Variants in LTA4H observed in about 807,000 individuals in gnomAD.
The protein encoded by LTA4H is leukotriene A4 hydrolase, also known as leukotriene A-4 hydrolase.
A neutral mutation model predicts 89.8 loss-of-function variants in LTA4H; 59 were observed. The ratio of observed to expected loss-of-function variants is 0.66; its 90% CI spans 0.53 to 0.82. The LOEUF (loss-of-function observed/expected upper bound fraction) is 0.82. Among genes scored for constraint, LTA4H ranks in the 40% least tolerant of loss-of-function variants. LTA4H has a pLI of 0.00. For synonymous variants in LTA4H, 227 were observed against 253.1 expected (o/e 0.90, Z 0.98); for missense variants, 617 against 727.0 (o/e 0.85, Z 1.74).
upstream of LTA4H, among the ~76,000 whole-genome samples, chr12:96,036,281 G>A (rs1566020392): frequency 6.6e-6 from 1 of 152,198 alleles, no homozygotes; most frequent in South Asian, 2.1e-4. Context: ...GGAGTACAGA[G>A]CTGGGACATC....
At chr12:96,043,311 C>T (rs1462045297) in exon 1 of LTA4H, 23 of 1,535,222 alleles carry the variant, frequency 1.5e-5, no homozygotes, top group South Asian at 2.4e-5. Flanking sequence ...AAGAAGTCGA[C>T]GAGTCTTAAC....
rs977889392 is a variant in LTA4H, at chr12:96,022,365, T to G, written c.481-114A>C. On this transcript the variant is annotated intron_variant, in intron 4 of 18. Transcript: ENST00000228740. This position sits in a 1 kb window ranked among gnomAD's most constrained non-coding sequence, Gnocchi z 4.0. ...TCTTGACTATCTAATAAACAGACTATGAACACAAAAAGTATATACATATAC... is the reference window on the plus strand; with the variant it reads ...TCTTGACTATCTAATAAACAGACTAGGAACACAAAAAGTATATACATATAC... 6.0e-6 allele frequency: 4 copies of G among 663,918 alleles called. No individual in the cohort carries two copies. Among genetic ancestry groups the G allele is most frequent in the Non-Finnish European group, 1.0e-5 (4 of 386,850 alleles). The allele number at this position is 663,918 out of a possible 1,614,324, so 41.1% of individuals were successfully genotyped here. A position where few individuals can be genotyped will look rare whatever the true frequency, so the allele number is the denominator to read the frequency against.
At chr12:96,038,934 CA>C (rs1195422968), upstream of LTA4H, among the ~76,000 whole-genome samples, 1 of 151,396 alleles carries the variant, frequency 6.6e-6, no homozygotes, top group African/African-American at 2.4e-5. Context: ...ATATATTCAT[CA>C]AAAAATAAAT....
intron 18 of LTA4H, among the ~76,000 whole-genome samples, chr12:96,001,829 A>T (rs1054353273): frequency 1.3e-5 from 2 of 152,050 alleles, no homozygotes; most frequent in Non-Finnish European, 2.9e-5. Context: ...TTCCCACAAA[A>T]GGTATACTCT....
intron 14 of LTA4H, chr12:96,012,853 G>A (rs1286703721): frequency 5.0e-6 from 1 of 198,580 alleles, no homozygotes; most frequent in Non-Finnish European, 1.0e-5. Flanking sequence ...CTTGGGAAAT[G>A]GGGATAATAA....
chr12:96,041,974 TTG>T lies in LTA4H; in HGVS notation c.87+1313_87+1314del, dbSNP rs1555248493. On this transcript the variant is annotated intron_variant, in intron 1 of 17. Transcript: ENST00000413268. ...CTAGTTTTAAATTAAACGTTTCTTTTTGTTTTTTTTTCTTTTTTTTTTTTTTT... is the reference window on the plus strand; with the variant it reads ...CTAGTTTTAAATTAAACGTTTCTTTTTTTTTTTTTCTTTTTTTTTTTTTTT... Among the ~76,000 whole-genome samples the T allele has an allele frequency of 1.0e-3, 139 of 136,354 alleles. 3 individuals carry two copies. In the South Asian group the frequency reaches 0.024, roughly 24 times the overall value. 89.5% of individuals were successfully genotyped at this position (136,354 alleles called of 152,430 possible). A position where few individuals can be genotyped will look rare whatever the true frequency, so the allele number is the denominator to read the frequency against.
At position 96,000,824 on chromosome 12, in the gene LTA4H, C is replaced by T; in HGVS notation, c.*165G>A. On this transcript the variant is annotated 3_prime_UTR_variant, in exon 19 of 19. Coordinates refer to ENST00000228740, the MANE Select transcript of LTA4H (RefSeq NM_000895.3). Reference sequence around the variant, plus strand: ...CTTGTTAAAATTTACAAAGAATATGCCACTATAAGAAGAAGTAGCTCAACT... The same window carrying T: ...CTTGTTAAAATTTACAAAGAATATGTCACTATAAGAAGAAGTAGCTCAACT... 1.9e-6 allele frequency: 1 copy of T among 517,586 alleles called. No homozygotes were observed. Among genetic ancestry groups the T allele is most frequent in the Non-Finnish European group, 3.5e-6 (1 of 287,688 alleles). 32.1% of individuals were successfully genotyped at this position (517,586 alleles called of 1,614,324 possible). A position where few individuals can be genotyped will look rare whatever the true frequency, so the allele number is the denominator to read the frequency against.
chr12:96,003,442 G>T (rs1950142132), intron 17 of LTA4H, among the ~76,000 whole-genome samples: 1 of 151,818 alleles, frequency 6.6e-6, no homozygotes, highest in Non-Finnish European at 1.5e-5. Flanking sequence ...AATTTCTGAA[G>T]GAATTAAACT....
chr12:96,005,834 C>T (rs925170082), intron 16 of LTA4H, among the ~76,000 whole-genome samples: 20 of 150,712 alleles, frequency 1.3e-4, no homozygotes, highest in South Asian at 1.1e-3. Context: ...CTGCAACCTC[C>T]GCCTCCCAGT....
chr12:96,014,912 G>T lies in LTA4H; in HGVS notation c.1147C>A (p.Pro383Thr). The change falls in exon 12 of 19, where the codon CCC becomes ACC. Residue 383 changes from proline to threonine, a missense_variant. Pro to Thr is a conservative substitution (Grantham distance 38). Around this residue, in one of 3 missense-constraint regions of LTA4H, gnomAD observed 290 missense variants for 339.1 expected, o/e 0.86. Transcript: ENST00000228740. ...AGTAAAGCAAAGCCCTTCTCATAGGGAACTGAAGAATAAGCTACATCAGGG... is the reference window on the plus strand; with the variant it reads ...AGTAAAGCAAAGCCCTTCTCATAGGTAACTGAAGAATAAGCTACATCAGGG... ...IDPDVAYSSV[P>T]YEKGFALLFY... The T allele has an allele frequency of 6.2e-7, 1 of 1,613,708 alleles. No individual in the cohort carries two copies. Among genetic ancestry groups the T allele is most frequent in the Non-Finnish European group, 8.5e-7 (1 of 1,179,776 alleles).
At chr12:96,037,958 G>A (rs1950662899), upstream of LTA4H, among the ~76,000 whole-genome samples, 1 of 152,116 alleles carries the variant, frequency 6.6e-6, no homozygotes, top group Admixed American at 6.5e-5. Context: ...CCAAAGTGCT[G>A]GGATTACAGG....
chr12:96,025,161 G>A (rs1379515127), intron 3 of LTA4H, among the ~76,000 whole-genome samples: 1 of 151,946 alleles, frequency 6.6e-6, no homozygotes, highest in Non-Finnish European at 1.5e-5. Context: ...AAAGGGCTCT[G>A]TAGCAAAACA....
At chr12:96,017,890 ACTTT>A (rs1247876243) in intron 8 of LTA4H, among the ~76,000 whole-genome samples, 1 of 152,118 alleles carries the variant, frequency 6.6e-6, no homozygotes, top group Non-Finnish European at 1.5e-5. Context: ...TTTACCCATC[ACTTT>A]CTTTCTCTCC....
upstream of LTA4H, among the ~76,000 whole-genome samples, chr12:96,039,778 G>T (rs1018025512): frequency 1.3e-5 from 2 of 152,204 alleles, no homozygotes; most frequent in African/African-American, 2.4e-5. Flanking sequence ...AGGGCAAAAA[G>T]ACTTTACATT....
At position 96,022,082 on chromosome 12, in the gene LTA4H, G is replaced by C; in HGVS notation, c.585+65C>G. ...ATTTCAAAAGTAATTTTGCCCTCTG[G>C]ATGTGTACAAGCTAACTGTAGTTTA... On this transcript the variant is annotated intron_variant, in intron 5 of 18. Transcript: ENST00000228740. The surrounding 1 kb of genome is among the most constrained non-coding windows in gnomAD (Gnocchi z 4.0). 1 of 985,156 alleles carries C rather than the reference G, an allele frequency of 1.0e-6. No homozygotes were observed. The highest frequency in any genetic ancestry group is 1.4e-5 in the South Asian group (1 of 71,338). 61.0% of individuals were successfully genotyped at this position (985,156 alleles called of 1,614,324 possible).
Position 96,024,071 on chromosome 12 carries a change from A to C in LTA4H, c.480+408T>G, listed in dbSNP as rs1246857353. ...CAGCCTGCCGAGTAGCTGGGACTAC[A>C]GGTGCCCGCCACCATGCCCGGCTAA... is the stretch of plus-strand genomic sequence containing the variant. On this transcript the variant is annotated intron_variant, in intron 4 of 18. Coordinates refer to ENST00000228740, the MANE Select transcript of LTA4H (RefSeq NM_000895.3). 2.0e-5 allele frequency among the ~76,000 whole-genome samples: 3 copies of C among 152,034 alleles called. No individual in the cohort carries two copies. The South Asian group carries it at 6.3e-4, about 32-fold the overall frequency.
chr12:96,001,678 A>G (rs1950105695), intron 18 of LTA4H, among the ~76,000 whole-genome samples: 1 of 152,220 alleles, frequency 6.6e-6, no homozygotes, highest in South Asian at 2.1e-4. Context: ...TCCTGACCAC[A>G]GTGAAATAAT....
rs1950354799 is a variant in LTA4H at position 96,014,979 on chromosome 12, T to C, written c.1080A>G (p.Thr360=). 1 of 1,612,012 alleles carries C rather than the reference T, an allele frequency of 6.2e-7. No individual in the cohort carries two copies. The highest frequency in any genetic ancestry group is 8.5e-7 in the Non-Finnish European group (1 of 1,179,440). ...CAACCACAAGTTTGGTGAAAGGATG[T>C]GTCTCCCCAAATGTCTTTACCTGCA... ...LQNSVKTFGE[T]HPFTKLVVDL... The change falls in exon 12 of 19, where the codon ACA becomes ACG. Residue 360 remains threonine, a synonymous_variant. Coordinates refer to ENST00000228740, the MANE Select transcript of LTA4H (RefSeq NM_000895.3).
chr12:96,009,201 GC>G, intron 14 of LTA4H, 53 bp from the exon 15 acceptor site: 1 of 1,300,660 alleles, frequency 7.7e-7, no homozygotes, highest in Non-Finnish European at 1.1e-6. Flanking sequence ...TTGCAGAAAT[GC>G]AGTTTTAAAG....
Sources: allele counts gnomAD v4.1 joint callset (sites outside exome capture counted in the v4.1 genomes callset), GRCh38; gene constraint gnomAD v4.1.1; regional missense constraint gnomAD v4.1.1; non-coding constraint Gnocchi (gnomAD v3.1); transcripts MANE v1.5; gene names NCBI Gene and HGNC (gene_info 2026-07-23, HGNC 2026-07-21).